Variants in UPF3B observed in about 807,000 individuals in gnomAD.
UPF3B encodes regulator of nonsense transcripts 3B.
UPF3B carries 7 observed loss-of-function variants against 40.3 expected under a neutral mutation model. The ratio of observed to expected loss-of-function variants is 0.17; its 90% CI spans 0.10 to 0.33. UPF3B has a LOEUF of 0.33. Ranked by LOEUF, UPF3B falls within the 10% of genes least tolerant of loss-of-function variation. The probability of loss-of-function intolerance (pLI) is 1.00; values close to 1 mark genes in which losing one functional copy is unlikely to be tolerated. For missense variants in UPF3B, 229 were observed against 358.9 expected, an observed-to-expected ratio of 0.64 and a Z score of 2.93; for synonymous variants, 117 against 117.3, an observed-to-expected ratio of 1.00 and a Z score of 0.01.
At chrX:119,823,808 C>T (rs2055951004) in intron 3 of UPF3B, among the ~76,000 whole-genome samples, 1 of 110,921 alleles carries the variant, frequency 9.0e-6, no homozygotes. Context: ...AAGTGATCTG[C>T]TCGCATTGAC....
intron 10 of UPF3B, among the ~76,000 whole-genome samples, chrX:119,837,134 G>A (rs2056105323): frequency 9.4e-6 from 1 of 106,483 alleles, no homozygotes. Flanking sequence ...TAGTAGAGAC[G>A]GGGTTTCACC....
At chrX:119,808,403 CT>C (rs2055808257) in intron 5 of UPF3B, among the ~76,000 whole-genome samples, 2 of 98,697 alleles carry the variant, frequency 2.0e-5, no homozygotes, top group South Asian at 1.0e-3. Context: ...TCCAGCGACA[CT>C]TGCAGCTTAG....
chrX:119,814,859 CTTTTTTTTTTT>C (rs140201169), intron 5 of UPF3B, among the ~76,000 whole-genome samples: 13 of 46,261 alleles, frequency 2.8e-4, no homozygotes, highest in African/African-American at 9.9e-4. Context: ...TTCTTTCTTT[CTTTTTTTTTTT>C]TTTTTTTTTT....
rs749584895 is a variant in UPF3B, at chrX:119,852,179, C to T, written c.157-306G>A. Among the ~76,000 whole-genome samples the T allele has an allele frequency of 4.5e-5, 5 of 111,780 alleles. No homozygotes were observed. The East Asian group carries it at 1.4e-3, about 32-fold the overall frequency. On this transcript the variant is annotated intron_variant, in intron 1 of 10. Coordinates refer to ENST00000276201, the MANE Select transcript of UPF3B (RefSeq NM_080632.3). ...TTCGATCACCCATTTTTTAACAGAT[C>T]TAGTGGCAATAACTTAGTAAGCCAA...
At position 119,841,212 on chromosome X, in the gene UPF3B, T is replaced by C; in HGVS notation, c.671A>G (p.Glu224Gly). 1 of 1,184,507 alleles carries C rather than the reference T, an allele frequency of 8.4e-7. No homozygotes were observed. The highest frequency in any genetic ancestry group is 1.1e-6 in the Non-Finnish European group (1 of 872,884). Residue 224 changes from glutamate to glycine, a missense_variant, in exon 7 of 11, where the codon GAA (glutamate) becomes GGA (glycine). Around this residue, in one of 3 missense-constraint regions of UPF3B, gnomAD observed 87 missense variants for 184.2 expected, o/e 0.47. Transcript: ENST00000276201. ...CTCTTCTTCTCTTTGTCTTTTTCTTTCTATTTCTCTCCTCCTCCTTTCTTC... is the reference window on the plus strand; with the variant it reads ...CTCTTCTTCTCTTTGTCTTTTTCTTCCTATTTCTCTCCTCCTCCTTTCTTC... ...KREERRRREIERKRQREEERR... is the reference protein window; with the variant it reads ...KREERRRREIGRKRQREEERR...
At chrX:119,823,109 G>A (rs1231915366) in intron 3 of UPF3B, 3 of 532,836 alleles carry the variant, frequency 5.6e-6, no homozygotes, top group African/African-American at 2.6e-5. Context: ...AGATTTTTAG[G>A]TTATACCTTA....
chrX:119,837,724 A>C (rs1420800748), intron 10 of UPF3B, 33 bp downstream of exon 10: 3 of 1,197,837 alleles, frequency 2.5e-6, no homozygotes, highest in Admixed American at 4.4e-5. Flanking sequence ...AGGGAAAAAA[A>C]CCCTCATAAA....
At chrX:119,838,301 T>C in intron 9 of UPF3B, 66 bp downstream of exon 9, 1 of 1,146,549 alleles carries the variant, frequency 8.7e-7, no homozygotes, top group Admixed American at 2.2e-5. Flanking sequence ...CAGGTACATG[T>C]CCAGGACATA....
At chrX:119,808,044 C>T (rs1379209262) in intron 5 of UPF3B, among the ~76,000 whole-genome samples, 1 of 111,910 alleles carries the variant, frequency 8.9e-6, no homozygotes, top group Non-Finnish European at 1.9e-5. Flanking sequence ...ATCCTCCCGC[C>T]TTGGCCTCCG....
At chrX:119,850,894 A>G (rs1439978662) in intron 3 of UPF3B, among the ~76,000 whole-genome samples, 1 of 111,745 alleles carries the variant, frequency 8.9e-6, no homozygotes, top group Admixed American at 9.5e-5. Context: ...GTGGACCGCC[A>G]CGCCTGGCTA....
intron 10 of UPF3B, among the ~76,000 whole-genome samples, chrX:119,837,422 TG>T (rs1569461509): frequency 9.4e-6 from 1 of 106,594 alleles, no homozygotes; most frequent in Non-Finnish European, 1.9e-5. Context: ...AAGACCATCC[TG>T]GCTAACACGG....
At chrX:119,847,605 C>T (rs1479708119) in intron 3 of UPF3B, among the ~76,000 whole-genome samples, 1 of 107,233 alleles carries the variant, frequency 9.3e-6, no homozygotes, top group East Asian at 3.0e-4. Context: ...GTCTCTACCA[C>T]AAACATAAAA....
chrX:119,822,674 C>T (rs1345595254), intron 4 of UPF3B, among the ~76,000 whole-genome samples: 1 of 111,211 alleles, frequency 9.0e-6, no homozygotes, highest in Non-Finnish European at 1.9e-5. Context: ...GTGGCACGAT[C>T]ATGGCTTACT....
chrX:119,805,906 A>G, intron 6 of UPF3B, among the ~76,000 whole-genome samples: 1 of 70,172 alleles, frequency 1.4e-5, no homozygotes, highest in Non-Finnish European at 2.7e-5. Context: ...TAGTTCAACC[A>G]TTGTGGAAGT....
intron 3 of UPF3B, 116 bp from the exon 4 acceptor site, chrX:119,845,412 T>C: frequency 3.4e-6 from 2 of 590,987 alleles, no homozygotes; most frequent in Non-Finnish European, 5.5e-6. Context: ...CTGAAGAGGG[T>C]CTCCCAAAGG....
intron 8 of UPF3B, 107 bp from the exon 9 acceptor site, chrX:119,838,634 T>A: frequency 1.3e-6 from 1 of 767,504 alleles, no homozygotes; most frequent in Admixed American, 2.6e-5. Context: ...AAGCCCCCTA[T>A]CTCTGCAGGT....
rs142536973 is a variant in UPF3B, at chrX:119,818,180, G to A, written c.495-2873C>T. On this transcript the variant is annotated intron_variant, in intron 4 of 6. Transcript: ENST00000636792. The stretch of plus-strand genomic sequence containing the variant: ...CTCAGGAGGCCGAGGCAGGAGAATC[G>A]CTTGAACCCAGGAGGCGGAGGTTGT... Among the ~76,000 whole-genome samples the A allele has an allele frequency of 1.3e-3, 150 of 111,118 alleles. 2 individuals are homozygous for A. In the East Asian group the frequency reaches 0.035, roughly 26 times the overall value.
At chrX:119,846,497 G>A (rs1348562666) in intron 3 of UPF3B, among the ~76,000 whole-genome samples, 1 of 89,630 alleles carries the variant, frequency 1.1e-5, no homozygotes, top group African/African-American at 4.5e-5. Context: ...CACTGCACTC[G>A]AGCCTGGTAA....
intron 3 of UPF3B, among the ~76,000 whole-genome samples, chrX:119,824,273 C>T (rs982952867): frequency 1.0e-5 from 1 of 97,723 alleles, no homozygotes; most frequent in Non-Finnish European, 2.1e-5. Context: ...TGCTATTTGC[C>T]TCTTGCCAAT....
Sources: gnomAD v4.1 joint callset for allele counts (sites outside exome capture counted in the v4.1 genomes callset) on GRCh38, gnomAD v4.1.1 for gene constraint, gnomAD v4.1.1 regional missense constraint, MANE v1.5 for transcripts, NCBI Gene and HGNC (gene_info 2026-07-23, HGNC 2026-07-21) for gene names.